AMMECR1: variants seen among roughly 807,000 people sequenced by gnomAD.
AMMECR1 encodes the protein nuclear protein AMMECR1.
A neutral mutation model predicts 22.5 loss-of-function variants in AMMECR1; 3 were observed. The ratio of observed to expected loss-of-function variants is 0.13; its 90% CI spans 0.06 to 0.35. The LOEUF (loss-of-function observed/expected upper bound fraction) is 0.35, where lower values mean the gene tolerates loss of function less well. AMMECR1 is among the 10% of genes least tolerant of loss of function. The pLI, the probability that AMMECR1 is intolerant of heterozygous loss-of-function variation, is 1.00. For missense variants in AMMECR1, 235 were observed against 278.7 expected (o/e 0.84, Z 1.12); for synonymous variants, 130 against 116.7 (o/e 1.11, Z -0.74).
intron 2 of AMMECR1, among the ~76,000 whole-genome samples, chrX:110,352,514 G>A (rs2068214948): frequency 8.9e-6 from 1 of 112,132 alleles, no homozygotes; most frequent in African/African-American, 3.2e-5. Flanking sequence ...TTGGCAGGAA[G>A]TCATTTGGTG....
chrX:110,420,618 C>T (rs1180283745), intron 2 of AMMECR1, among the ~76,000 whole-genome samples: 1 of 112,055 alleles, frequency 8.9e-6, no homozygotes, highest in African/African-American at 3.2e-5. Context: ...GTGTTCCAAT[C>T]CCATCTCAAA....
At chrX:110,292,140 C>G (rs1254003278) in intron 1 of AMMECR1, among the ~76,000 whole-genome samples, 1 of 111,942 alleles carries the variant, frequency 8.9e-6, no homozygotes, top group Admixed American at 9.5e-5. Flanking sequence ...TCTTGTGAGC[C>G]TGTAATTATT....
intron 1 of AMMECR1, among the ~76,000 whole-genome samples, chrX:110,282,091 T>G (rs958921201): frequency 1.8e-5 from 2 of 112,073 alleles, no homozygotes; most frequent in African/African-American, 6.5e-5. Flanking sequence ...GCACAAAATT[T>G]ACATCAAAGG....
intron 2 of AMMECR1, among the ~76,000 whole-genome samples, chrX:110,378,359 C>T (rs769807347): frequency 9.0e-6 from 1 of 111,334 alleles, no homozygotes; most frequent in African/African-American, 3.3e-5. Context: ...TTGACTGTTG[C>T]GATAGCCTCC....
At chrX:110,220,819 G>T (rs1256492813) in intron 2 of AMMECR1, among the ~76,000 whole-genome samples, 2 of 111,567 alleles carry the variant, frequency 1.8e-5, no homozygotes, top group Non-Finnish European at 3.8e-5. Flanking sequence ...TAATAAAAAT[G>T]AACATTTTAA....
chrX:110,343,187 C>T (rs1246562564), intron 2 of AMMECR1, among the ~76,000 whole-genome samples: 5 of 111,998 alleles, frequency 4.5e-5, no homozygotes, highest in East Asian at 2.8e-4. Flanking sequence ...GATGGTTCAA[C>T]ATACGCAAAT....
At chrX:110,423,094 G>A (rs2068729436) in intron 2 of AMMECR1, among the ~76,000 whole-genome samples, 1 of 111,993 alleles carries the variant, frequency 8.9e-6, no homozygotes, top group Non-Finnish European at 1.9e-5. Flanking sequence ...TTGGGTGGCC[G>A]AGGCAGGCGG....
chrX:110,422,099 C>A, intron 2 of AMMECR1, among the ~76,000 whole-genome samples: 1 of 113,156 alleles, frequency 8.8e-6, no homozygotes, highest in Admixed American at 9.3e-5. Flanking sequence ...AATCAGAGAA[C>A]ACACCCAGAC....
At chrX:110,426,694 A>T (rs1367731226) in exon 2 of AMMECR1, 1 of 111,923 alleles carries the variant, frequency 8.9e-6, no homozygotes, top group Non-Finnish European at 1.9e-5. Context: ...TCATACCTGG[A>T]GCTCGGGTGG....
At chrX:110,299,344 G>A (rs952899448) in intron 1 of AMMECR1, among the ~76,000 whole-genome samples, 1 of 111,665 alleles carries the variant, frequency 9.0e-6, no homozygotes, top group African/African-American at 3.2e-5. Context: ...CAGGTCTGCC[G>A]TAAAACATTT....
rs769293978 is a variant in AMMECR1 at position 110,365,427 on chromosome X, T to C, written c.-147-47578A>G. On this transcript the variant is annotated intron_variant, in intron 2 of 7. Coordinates refer to the AMMECR1 transcript ENST00000372057. ...AATCACTTACCTTATTGCATTCTTGTAGCGTGATCTATATGCTTTAGTTCA... is the reference window on the plus strand; with the variant it reads ...AATCACTTACCTTATTGCATTCTTGCAGCGTGATCTATATGCTTTAGTTCA... Among the ~76,000 whole-genome samples the C allele has an allele frequency of 3.6e-5, 4 of 112,456 alleles. No individual in the cohort carries two copies. In the East Asian group the frequency reaches 1.1e-3, roughly 31 times the overall value.
chrX:110,207,718 A>C (rs192269364), intron 3 of AMMECR1, among the ~76,000 whole-genome samples: 2 of 112,313 alleles, frequency 1.8e-5, no homozygotes, highest in East Asian at 5.6e-4. Context: ...AATTTTTATA[A>C]CAATGTTGCT....
chrX:110,276,012 A>G (rs1004205431), intron 1 of AMMECR1, among the ~76,000 whole-genome samples: 8 of 107,899 alleles, frequency 7.4e-5, no homozygotes, highest in Non-Finnish European at 1.5e-4. Context: ...TCCTTATGGG[A>G]CTCCAGTTGC....
chrX:110,434,427 C>T (rs1043486971), intron 1 of AMMECR1, among the ~76,000 whole-genome samples: 1 of 111,405 alleles, frequency 9.0e-6, no homozygotes, highest in African/African-American at 3.3e-5. Context: ...TCTCCAGGGT[C>T]TGGGCAAGAA....
At chrX:110,305,022 G>C in intron 1 of AMMECR1, among the ~76,000 whole-genome samples, 1 of 112,511 alleles carries the variant, frequency 8.9e-6, no homozygotes, top group Non-Finnish European at 1.9e-5. Context: ...AGACATCACT[G>C]TCTCCATCAC....
At chrX:110,286,754 C>T (rs931579718) in intron 1 of AMMECR1, among the ~76,000 whole-genome samples, 6 of 110,271 alleles carry the variant, frequency 5.4e-5, no homozygotes, top group African/African-American at 1.7e-4. Flanking sequence ...CAGCTCCTTC[C>T]GGTTTCATAA....
At chrX:110,387,120 A>T (rs999613527) in intron 2 of AMMECR1, among the ~76,000 whole-genome samples, 5 of 111,999 alleles carry the variant, frequency 4.5e-5, no homozygotes, top group African/African-American at 1.6e-4. Context: ...GTGTAATACT[A>T]AACAAAGACT....
chrX:110,342,514 G>T (rs7054695), intron 2 of AMMECR1, among the ~76,000 whole-genome samples: 8,027 of 110,790 alleles, frequency 0.072, 743 homozygotes, highest in African/African-American at 0.25. Flanking sequence ...TGGGATTACA[G>T]GCACACGCCA....
intron 2 of AMMECR1, among the ~76,000 whole-genome samples, chrX:110,328,465 CTT>C (rs776105456): frequency 0.012 from 848 of 73,264 alleles, 12 homozygotes; most frequent in African/African-American, 0.039. Flanking sequence ...ATGTTTGACT[CTT>C]TTTTTTTTTT....
Sources: allele counts gnomAD v4.1 joint callset (sites outside exome capture counted in the v4.1 genomes callset), GRCh38; gene constraint gnomAD v4.1.1; transcripts MANE v1.5; gene names NCBI Gene and HGNC (gene_info 2026-07-23, HGNC 2026-07-21).